ACTR5: variants seen among roughly 807,000 people sequenced by gnomAD.
The protein encoded by ACTR5 is actin related protein 5.
In ACTR5, 43 loss-of-function variants were observed where a neutral mutation model predicts 61.2. The observed-to-expected ratio is 0.70, with a 90% CI of 0.55 to 0.91. ACTR5 has a LOEUF of 0.91. Among genes scored for constraint, ACTR5 ranks in the 40% least tolerant of loss-of-function variants. The pLI is 0.00. For missense variants in ACTR5, 798 were observed against 782.2 expected, an observed-to-expected ratio of 1.02 and a Z score of -0.24; for synonymous variants, 333 against 310.5, an observed-to-expected ratio of 1.07 and a Z score of -0.76.
intron 8 of ACTR5, among the ~76,000 whole-genome samples, chr20:38,769,354 G>C (rs145024850): frequency 3.9e-5 from 6 of 152,294 alleles, no homozygotes; most frequent in African/African-American, 1.4e-4. Flanking sequence ...AGTATTACTT[G>C]GTAGCTCTGC....
At chr20:38,764,217 A>C (rs2084471965) in intron 5 of ACTR5, among the ~76,000 whole-genome samples, 1 of 152,208 alleles carries the variant, frequency 6.6e-6, no homozygotes, top group South Asian at 2.1e-4. Context: ...AGAGACTCAG[A>C]ATGCATACTC....
Position 38,752,141 on chromosome 20 carries a change from A to G in ACTR5, c.616A>G (p.Lys206Glu). ...ACTGCTTGGTTATAGATTAGATGCTAAAAACTGCAAGCGCATCAATCTTGG... is the reference window on the plus strand; with the variant it reads ...ACTGCTTGGTTATAGATTAGATGCTGAAAACTGCAAGCGCATCAATCTTGG... ...LPILEGRLDA[K>E]NCKRINLGGS... The change falls in exon 3 of 9, where the codon AAA becomes GAA. Residue 206 changes from lysine (K) to glutamate (E), a missense_variant. Coordinates refer to ENST00000243903, the MANE Select transcript of ACTR5 (RefSeq NM_024855.4). The G allele has an allele frequency of 1.2e-6, 2 of 1,613,220 alleles. No homozygotes were observed. Among genetic ancestry groups the G allele is most frequent in the Non-Finnish European group, 1.7e-6 (2 of 1,179,370 alleles).
At chr20:38,759,942 G>C (rs1432252024) in intron 5 of ACTR5, among the ~76,000 whole-genome samples, 1 of 152,012 alleles carries the variant, frequency 6.6e-6, no homozygotes, top group Non-Finnish European at 1.5e-5. Context: ...GAGGAGGGAA[G>C]ATCACTTGTG....
At chr20:38,763,541 C>T (rs892685351) in intron 5 of ACTR5, among the ~76,000 whole-genome samples, 9 of 152,204 alleles carry the variant, frequency 5.9e-5, no homozygotes, top group African/African-American at 9.7e-5. Context: ...GTTCCTAAAG[C>T]CCCAATTGTC....
intron 1 of ACTR5, among the ~76,000 whole-genome samples, chr20:38,749,720 A>G (rs2254234): frequency 0.42 from 64,228 of 152,112 alleles, 13,575 homozygotes; most frequent in Middle Eastern, 0.49. Context: ...GATGAGGCAG[A>G]TAGCAGGGAA....
intron 5 of ACTR5, among the ~76,000 whole-genome samples, chr20:38,762,964 T>C (rs2084463696): frequency 6.6e-6 from 1 of 151,994 alleles, no homozygotes; most frequent in Non-Finnish European, 1.5e-5. Flanking sequence ...CCAAATTGAG[T>C]GTGTGTTTAA....
chr20:38,759,929 G>A (rs2084443819), intron 5 of ACTR5, among the ~76,000 whole-genome samples: 1 of 152,004 alleles, frequency 6.6e-6, no homozygotes, highest in Non-Finnish European at 1.5e-5. Context: ...ACACTGAGAG[G>A]CTGAGGAGGG....
At chr20:38,755,270 G>C in intron 4 of ACTR5, 96 bp downstream of exon 4, 2 of 1,344,422 alleles carry the variant, frequency 1.5e-6, no homozygotes, top group Non-Finnish European at 2.0e-6. Flanking sequence ...AAGATGCTTT[G>C]ACTGTTTGTC....
chr20:38,752,891 A>G (rs933522000), intron 3 of ACTR5, among the ~76,000 whole-genome samples: 3 of 152,312 alleles, frequency 2.0e-5, no homozygotes, highest in African/African-American at 7.2e-5. Context: ...CTGACCAATA[A>G]TGAGCTCCTG....
Position 38,771,984 on chromosome 20 carries a change from C to T in ACTR5, c.*168C>T. 2 of 983,122 alleles carry T rather than the reference C, an allele frequency of 2.0e-6. No individual in the cohort carries two copies. Among genetic ancestry groups the T allele is most frequent in the South Asian group, 1.7e-5 (1 of 57,636 alleles). 60.9% of individuals were successfully genotyped at this position (983,122 alleles called of 1,614,324 possible). A position where few individuals can be genotyped will look rare whatever the true frequency, so the allele number is the denominator to read the frequency against. On this transcript the variant is annotated 3_prime_UTR_variant, in exon 9 of 9. Transcript: ENST00000243903. The stretch of plus-strand genomic sequence containing the variant: ...AAAGTTAAGGGACACTGAGACCTGC[C>T]CTTCAGAATTCGGTTCACTTGGGGG...
In ACTR5 at chr20:38,748,491, G is replaced by A. The variant is rs1327234211; in HGVS notation, c.13G>A (p.Val5Met). The A allele has an allele frequency of 2.7e-6, 4 of 1,490,424 alleles. No homozygotes were observed. The highest frequency in any genetic ancestry group is 1.3e-5 in the South Asian group (1 of 79,316). 92.3% of individuals were successfully genotyped at this position (1,490,424 alleles called of 1,614,324 possible). MAAN[V>M]FPFRDARAAP... ...CGCGCGCTCCAAGATGGCGGCGAAC[G>A]TGTTCCCGTTCCGCGACGCCCGTGC... The change falls in exon 1 of 9, where the codon GTG (valine) becomes ATG (methionine). Residue 5 changes from valine to methionine, a missense_variant. By Grantham distance (21) the Val-to-Met change is conservative. Transcript: ENST00000243903.
chr20:38,750,256 G>C lies in ACTR5; in HGVS notation c.605+17G>C. 6.3e-7 allele frequency: 1 copy of C among 1,598,286 alleles called. No individual in the cohort carries two copies. The highest frequency in any genetic ancestry group is 1.1e-5 in the South Asian group (1 of 90,002). On this transcript the variant is annotated intron_variant, in intron 2 of 8. Transcript: ENST00000243903. ...AGAAGGGAGGTGAGTTGCACTTGTG[G>C]CATTTGAGTGCGATTTTGAGAAGCA...
chr20:38,749,774 A>G (rs190024793), intron 1 of ACTR5, among the ~76,000 whole-genome samples: 10 of 152,326 alleles, frequency 6.6e-5, no homozygotes, highest in Non-Finnish European at 1.3e-4. Flanking sequence ...TTGAAGATAG[A>G]GCCAACACGA....
chr20:38,751,920 C>T (rs1249875886), intron 2 of ACTR5, among the ~76,000 whole-genome samples: 1 of 152,118 alleles, frequency 6.6e-6, no homozygotes, highest in African/African-American at 2.4e-5. Flanking sequence ...TGTTAGGTGG[C>T]CGTGTGACTG....
intron 5 of ACTR5, 103 bp downstream of exon 5, chr20:38,756,142 C>T: frequency 1.5e-6 from 2 of 1,301,214 alleles, no homozygotes; most frequent in Non-Finnish European, 1.0e-6. Context: ...GGAAAGAGAG[C>T]AGAGGGGATG....
In ACTR5 at chr20:38,767,459, C is replaced by A; in HGVS notation, c.1434-5C>A. On this transcript the variant is annotated splice_polypyrimidine_tract_variant and splice_region_variant and intron_variant, in intron 7 of 8. Coordinates refer to ENST00000243903, the MANE Select transcript of ACTR5 (RefSeq NM_024855.4). ...GGACTATATTAGGAGTTGTTTCTTT[C>A]CTAGGTACCCAAAGGACATTCAGGA... 1 of 1,612,100 alleles carries A rather than the reference C, an allele frequency of 6.2e-7. No individual in the cohort carries two copies.
chr20:38,752,915 G>A (rs2084395463), intron 3 of ACTR5, among the ~76,000 whole-genome samples: 1 of 147,782 alleles, frequency 6.8e-6, no homozygotes, highest in African/African-American at 2.5e-5. Context: ...GACAAAAACT[G>A]CATCTTTTTT....
chr20:38,748,566 C>T lies in ACTR5; in HGVS notation c.88C>T (p.Pro30Ser). 1.3e-6 allele frequency: 2 copies of T among 1,519,688 alleles called. No homozygotes were observed. Among genetic ancestry groups the T allele is most frequent in the East Asian group, 2.7e-5 (1 of 37,112 alleles). The allele number at this position is 1,519,688 out of a possible 1,614,324, so 94.1% of individuals were successfully genotyped here. Residue 30 changes from proline to serine, a missense_variant, in exon 1 of 9, where the codon CCG becomes TCG. Pro to Ser is a moderately conservative substitution (Grantham distance 74). Coordinates refer to ENST00000243903, the MANE Select transcript of ACTR5 (RefSeq NM_024855.4). ...EAGPVAHGPL[P>S]VPLVLDNGSF... ...CGGCCCGGTGGCACACGGGCCACTG[C>T]CGGTACCGCTGGTGCTGGACAACGG...
rs773399260 is a variant in ACTR5 at position 38,750,244 on chromosome 20, G to A, written c.605+5G>A. On this transcript the variant is annotated splice_donor_5th_base_variant and intron_variant, in intron 2 of 8. Transcript: ENST00000243903. ...TTTACCCATCTTAGAAGGGAGGTGA[G>A]TTGCACTTGTGGCATTTGAGTGCGA... 3 of 1,610,564 alleles carry A rather than the reference G, an allele frequency of 1.9e-6. No individual in the cohort carries two copies. Among genetic ancestry groups the A allele is most frequent in the Non-Finnish European group, 2.5e-6 (3 of 1,177,706 alleles).
Sources: gnomAD v4.1 joint callset for allele counts (sites outside exome capture counted in the v4.1 genomes callset) on GRCh38, gnomAD v4.1.1 for gene constraint, MANE v1.5 for transcripts, NCBI Gene and HGNC (gene_info 2026-07-23, HGNC 2026-07-21) for gene names.